TIAM2: variants seen among roughly 807,000 people sequenced by gnomAD.
TIAM2 encodes rho guanine nucleotide exchange factor TIAM2.
Under a neutral mutation model 152.9 loss-of-function variants are expected in TIAM2, and 80 were observed. The observed-to-expected ratio is 0.52, with a 90% confidence interval of 0.44 to 0.63. TIAM2 has a LOEUF of 0.63. Ranked by LOEUF, TIAM2 falls within the 30% of genes least tolerant of loss-of-function variation. TIAM2 has a pLI of 0.00. For missense variants in TIAM2, 1,965 were observed against 2,120.1 expected (o/e 0.93, Z 1.44); for synonymous variants, 804 against 838.0 (o/e 0.96, Z 0.70).
intron 1 of TIAM2, among the ~76,000 whole-genome samples, chr6:155,010,655 A>T (rs888405978): frequency 6.6e-6 from 1 of 151,938 alleles, no homozygotes; most frequent in African/African-American, 2.4e-5. Flanking sequence ...GGGTTTCTCC[A>T]TGTTGGTCAG....
chr6:155,203,774 A>G (rs1349104902), intron 14 of TIAM2, among the ~76,000 whole-genome samples: 2 of 152,202 alleles, frequency 1.3e-5, no homozygotes, highest in East Asian at 1.9e-4. Context: ...TTTGGCTGCT[A>G]TATTTTTAAT....
chr6:155,089,588 C>G lies in TIAM2; in HGVS notation c.-208-701C>G, dbSNP rs1583184133. On this transcript the variant is annotated intron_variant, in intron 1 of 26. Transcript: ENST00000682666. The stretch of plus-strand genomic sequence containing the variant: ...TGCTCCAGAATCCGTAACAATGGCT[C>G]AAGACATGGTGTTTCTTCGCTGATC... Among the ~76,000 whole-genome samples the G allele has an allele frequency of 2.0e-5, 3 of 152,304 alleles. No individual in the cohort carries two copies. In the Middle Eastern group the frequency reaches 0.01, roughly 518 times the overall value.
intron 12 of TIAM2, among the ~76,000 whole-genome samples, chr6:155,181,013 T>C (rs1226821236): frequency 6.6e-6 from 1 of 152,174 alleles, no homozygotes; most frequent in African/African-American, 2.4e-5. Flanking sequence ...CATCTTTGTA[T>C]TGGAATGGAT....
chr6:155,104,064 A>ACACC (rs1778621923), intron 2 of TIAM2, among the ~76,000 whole-genome samples: 1 of 49,032 alleles, frequency 2.0e-5, no homozygotes, highest in African/African-American at 7.6e-5. Context: ...ACCCCCACAC[A>ACACC]CCCCCACACA....
chr6:155,094,546 C>CTTTTTTT (rs10694318), intron 2 of TIAM2, among the ~76,000 whole-genome samples: 14 of 79,934 alleles, frequency 1.8e-4, no homozygotes, highest in African/African-American at 2.1e-4. Context: ...TTCACTCAGA[C>CTTTTTTT]TTTTTTTTTT....
intron 15 of TIAM2, among the ~76,000 whole-genome samples, chr6:155,215,823 T>A (rs777074914): frequency 7.9e-5 from 12 of 151,896 alleles, no homozygotes; most frequent in Non-Finnish European, 1.6e-4. Flanking sequence ...ATTTTATTTT[T>A]TTGAGACAAG....
At chr6:155,115,542 A>AC (rs1280558036) in intron 2 of TIAM2, among the ~76,000 whole-genome samples, 1 of 152,130 alleles carries the variant, frequency 6.6e-6, no homozygotes, top group Non-Finnish European at 1.5e-5. Context: ...AGTCCCAGCT[A>AC]CTTGGGAGGC....
At chr6:155,242,990 G>A (rs938826386) in intron 16 of TIAM2, among the ~76,000 whole-genome samples, 9 of 151,084 alleles carry the variant, frequency 6.0e-5, no homozygotes, top group Non-Finnish European at 1.0e-4. Flanking sequence ...TGATCCACCC[G>A]CCTCTGCCTC....
At chr6:155,235,025 GAGCAC>G (rs1782682785) in intron 15 of TIAM2, among the ~76,000 whole-genome samples, 1 of 151,650 alleles carries the variant, frequency 6.6e-6, no homozygotes, top group Non-Finnish European at 1.5e-5. Context: ...GCTAGAGACA[GAGCAC>G]AGCTAGAGAG....
rs183947941 is a variant in TIAM2 at position 155,105,486 on chromosome 6, G to A, written c.-118+15107G>A. 3.9e-5 allele frequency among the ~76,000 whole-genome samples: 6 copies of A among 152,036 alleles called. No homozygotes were observed. In the East Asian group the frequency reaches 7.7e-4, roughly 20 times the overall value. On this transcript the variant is annotated intron_variant, in intron 2 of 26. Transcript: ENST00000682666. ...TTTATTTTTACTTTTTGTAGAGATAGGGTCTCCCTATGTTGTCCAGGGTGG... is the reference window on the plus strand; with the variant it reads ...TTTATTTTTACTTTTTGTAGAGATAAGGTCTCCCTATGTTGTCCAGGGTGG...
chr6:155,207,611 T>G (rs1039095026), intron 14 of TIAM2, among the ~76,000 whole-genome samples: 5 of 152,224 alleles, frequency 3.3e-5, no homozygotes, highest in Admixed American at 6.5e-5. Flanking sequence ...TGGGCCATCC[T>G]ATCCAAGCCT....
rs765990482 is a variant in TIAM2, at chr6:155,129,496, CT to C, written c.274del (p.Ser92ProfsTer82). The C allele has an allele frequency of 2.5e-6, 4 of 1,614,072 alleles. No homozygotes were observed. The highest frequency in any genetic ancestry group is 3.4e-6 in the Non-Finnish European group (4 of 1,180,060). On this transcript the variant is annotated frameshift_variant, in exon 4 of 27. Coordinates refer to ENST00000682666, the MANE Select transcript of TIAM2 (RefSeq NM_012454.4). LOFTEE classifies it high-confidence loss of function. The surrounding 1 kb of genome is among the most constrained non-coding windows in gnomAD (Gnocchi z 4.8). ...TCKVSRGVAY[S>X]THRTNAPGKD... ...GCAAGGTCTCCAGAGGTGTTGCCTA[CT>C]CCACGCACAGGACAAATGCCCCAGG...
intron 26 of TIAM2, 150 bp from the exon 27 acceptor site, chr6:155,256,334 A>AT: frequency 8.7e-7 from 1 of 1,153,442 alleles, no homozygotes; most frequent in Non-Finnish European, 1.2e-6. Flanking sequence ...CAGTAGCTAC[A>AT]TTTTTGCCTA....
At chr6:155,075,263 A>C (rs1777929902) in intron 1 of TIAM2, among the ~76,000 whole-genome samples, 1 of 152,156 alleles carries the variant, frequency 6.6e-6, no homozygotes, top group Non-Finnish European at 1.5e-5. Flanking sequence ...GATCATAGGA[A>C]CATTTTAAAT....
At chr6:155,183,526 T>G in intron 14 of TIAM2, 26 bp downstream of exon 14, 1 of 1,576,500 alleles carries the variant, frequency 6.3e-7, no homozygotes, top group Non-Finnish European at 8.6e-7. Flanking sequence ...GTCTTCCTTC[T>G]TAACTGCTGG....
intron 2 of TIAM2, among the ~76,000 whole-genome samples, chr6:155,110,318 C>CTTTTTTTTTTTTTTTTTTTTTTTTT (rs67332964): frequency 7.5e-6 from 1 of 133,800 alleles, no homozygotes; most frequent in African/African-American, 2.8e-5. Flanking sequence ...TCTTTCTTTT[C>CTTTTTTTTTTTTTTTTTTTTTTTTT]TTTTTTTTTT....
At position 155,217,611 on chromosome 6, in the gene TIAM2, T is replaced by A. The variant is rs80161435; in HGVS notation, c.3168+6304T>A. ...AGGTAAGCAGAGTTTTTAATTTAGTTATTCTTGATGAAATAATTTTTCGGC... is the reference window on the plus strand; with the variant it reads ...AGGTAAGCAGAGTTTTTAATTTAGTAATTCTTGATGAAATAATTTTTCGGC... On this transcript the variant is annotated intron_variant, in intron 15 of 26. Transcript: ENST00000682666. 2.3e-4 allele frequency among the ~76,000 whole-genome samples: 35 copies of A among 152,386 alleles called. 1 individual carries two copies. In the East Asian group the frequency reaches 6.6e-3, roughly 29 times the overall value.
intron 23 of TIAM2, among the ~76,000 whole-genome samples, chr6:155,252,295 A>C (rs1416668022): frequency 6.6e-6 from 1 of 152,150 alleles, no homozygotes; most frequent in East Asian, 1.9e-4. Context: ...AACATGGTGA[A>C]ACCCTGCCTC....
chr6:155,168,725 G>A, intron 9 of TIAM2: 1 of 779,090 alleles, frequency 1.3e-6, no homozygotes, highest in Admixed American at 3.3e-5. Context: ...GATACAAATT[G>A]TGATATGAAG....
Sources: gnomAD v4.1 joint callset for allele counts (sites outside exome capture counted in the v4.1 genomes callset) on GRCh38, gnomAD v4.1.1 for gene constraint, Gnocchi (gnomAD v3.1) non-coding constraint, MANE v1.5 for transcripts, NCBI Gene and HGNC (gene_info 2026-07-23, HGNC 2026-07-21) for gene names.